RPRD2: variants seen among roughly 807,000 people sequenced by gnomAD.
The protein encoded by RPRD2 is regulation of nuclear pre-mRNA domain containing 2, also known as regulation of nuclear pre-mRNA domain-containing protein 2.
Under a neutral mutation model 104.4 loss-of-function variants are expected in RPRD2, and 12 were observed. The ratio of observed to expected loss-of-function variants is 0.11; its 90% CI spans 0.07 to 0.19. The LOEUF is 0.19. Among genes scored for constraint, RPRD2 ranks in the 10% least tolerant of loss-of-function variants. The probability of loss-of-function intolerance (pLI) is 1.00; values close to 1 mark genes in which losing one functional copy is unlikely to be tolerated. For synonymous variants in RPRD2, 714 were observed against 684.9 expected, an observed-to-expected ratio of 1.04 and a Z score of -0.66; for missense variants, 1,543 against 1,790.1, an observed-to-expected ratio of 0.86 and a Z score of 2.49.
At chr1:150,374,905 T>A (rs1330972192) in intron 1 of RPRD2, among the ~76,000 whole-genome samples, 1 of 152,180 alleles carries the variant, frequency 6.6e-6, no homozygotes, top group African/African-American at 2.4e-5. Context: ...TGCGTATTTT[T>A]ACTCTTGGTT....
rs782671473 is a variant in RPRD2, at chr1:150,364,598, CT to C, written c.-116del. 3.2e-6 allele frequency: 2 copies of C among 621,112 alleles called. No individual in the cohort carries two copies. The highest frequency in any genetic ancestry group is 2.7e-5 in the East Asian group (1 of 36,542). 38.5% of individuals were successfully genotyped at this position (621,112 alleles called of 1,614,324 possible). A position where few individuals can be genotyped will look rare whatever the true frequency, so the allele number is the denominator to read the frequency against. On this transcript the variant is annotated 5_prime_UTR_variant, in exon 1 of 11. Transcript: ENST00000369068. ...CCAGCGCGTGCACCATCCCCACCCC[CT>C]AGCTTCCCTCCCCACCTACGGCTTT...
In RPRD2 at chr1:150,470,626, A is replaced by G. The variant is rs754724215; in HGVS notation, c.1678A>G (p.Ser560Gly). 6.2e-7 allele frequency: 1 copy of G among 1,613,876 alleles called. No homozygotes were observed. Among genetic ancestry groups the G allele is most frequent in the South Asian group, 1.1e-5 (1 of 91,072 alleles). Reference sequence around the variant, plus strand: ...TCCAGCCAGTGAAGCTGCCTCACAGAGCACTTCAGCCTCCCCTGCCAACAC... The same window carrying G: ...TCCAGCCAGTGAAGCTGCCTCACAGGGCACTTCAGCCTCCCCTGCCAACAC... Reference protein sequence around the residue: ...PVPASEAASQSTSASPANTTV... With the variant: ...PVPASEAASQGTSASPANTTV... The change falls in exon 11 of 11, where the codon AGC (serine) becomes GGC (glycine). Residue 560 changes from serine to glycine, a missense_variant. Ser to Gly is a moderately conservative substitution (Grantham distance 56). Around this residue, in one of 4 missense-constraint regions of RPRD2, gnomAD observed 572 missense variants for 787.3 expected, o/e 0.73. Transcript: ENST00000369068.
rs782184703 is a variant in RPRD2 at position 150,364,589 on chromosome 1, C to T, written c.-126C>T. 11 of 611,220 alleles carry T rather than the reference C, an allele frequency of 1.8e-5. No homozygotes were observed. Among genetic ancestry groups the T allele is most frequent in the Non-Finnish European group, 3.1e-5 (11 of 349,366 alleles). The allele number at this position is 611,220 out of a possible 1,614,324, so 37.9% of individuals were successfully genotyped here. Reference sequence around the variant, plus strand: ...CAGAAGAGCCCAGCGCGTGCACCATCCCCACCCCCTAGCTTCCCTCCCCAC... The same window carrying T: ...CAGAAGAGCCCAGCGCGTGCACCATTCCCACCCCCTAGCTTCCCTCCCCAC... On this transcript the variant is annotated 5_prime_UTR_variant, in exon 1 of 11. Transcript: ENST00000369068.
rs750220477 is a variant in RPRD2, at chr1:150,471,925, G to A, written c.2977G>A (p.Val993Met). The change falls in exon 11 of 11, where the codon GTG (valine) becomes ATG (methionine). Residue 993 changes from valine to methionine, a missense_variant. Coordinates refer to ENST00000369068, the MANE Select transcript of RPRD2 (RefSeq NM_015203.5). The surrounding 1 kb of genome is among the most constrained non-coding windows in gnomAD (Gnocchi z 5.3). ...APTGHPPTSG[V>M]EKVLASTIST... ...CACGGGTCACCCACCCACGTCAGGC[G>A]TGGAGAAAGTCCTGGCCTCCACCAT... The A allele has an allele frequency of 3.2e-5, 52 of 1,613,730 alleles. No individual in the cohort carries two copies. Among genetic ancestry groups the A allele is most frequent in the East Asian group, 4.5e-5 (2 of 44,858 alleles).
At chr1:150,455,938 G>A (rs2102401397) in intron 7 of RPRD2, among the ~76,000 whole-genome samples, 2 of 152,206 alleles carry the variant, frequency 1.3e-5, no homozygotes, top group South Asian at 4.1e-4. Context: ...AGCCCCCTAA[G>A]TAGCTGGCAC....
Position 150,471,150 on chromosome 1 carries a change from C to T in RPRD2, c.2202C>T (p.Thr734=). 14 of 1,613,788 alleles carry T rather than the reference C, an allele frequency of 8.7e-6. No homozygotes were observed. The highest frequency in any genetic ancestry group is 1.2e-5 in the Non-Finnish European group (14 of 1,179,858). The change falls in exon 11 of 11, where the codon ACC becomes ACT. Residue 734 remains threonine, a synonymous_variant. Transcript: ENST00000369068. The surrounding 1 kb of genome is among the most constrained non-coding windows in gnomAD (Gnocchi z 5.3). ...PVRDERSGTP[T]QDEMMDKPTS... ...GGGATGAACGGAGTGGGACACCCAC[C>T]CAGGATGAGATGATGGACAAGCCCA... is the stretch of plus-strand genomic sequence containing the variant.
At chr1:150,366,261 C>T (rs782799216) in intron 1 of RPRD2, among the ~76,000 whole-genome samples, 3 of 152,248 alleles carry the variant, frequency 2.0e-5, no homozygotes, top group Non-Finnish European at 4.4e-5. Context: ...CCACTTCTGC[C>T]ATTGCTCCTG....
At chr1:150,440,871 G>A in intron 2 of RPRD2, 52 bp from the exon 3 acceptor site, 1 of 812,880 alleles carries the variant, frequency 1.2e-6, no homozygotes, top group Non-Finnish European at 2.0e-6. Flanking sequence ...TTTCTAGTTT[G>A]GAGTAGAAGT....
intron 1 of RPRD2, among the ~76,000 whole-genome samples, chr1:150,384,563 C>T (rs1553881459): frequency 6.6e-6 from 1 of 151,284 alleles, no homozygotes; most frequent in African/African-American, 2.4e-5. Context: ...CCTCCGCCTC[C>T]TGGGTTCAAG....
rs1661661325 is a variant in RPRD2, at chr1:150,387,566, C to CTTTTTTT, written c.205+22647_205+22648insTTTTTTT. On this transcript the variant is annotated intron_variant, in intron 1 of 10. Coordinates refer to ENST00000369068, the MANE Select transcript of RPRD2 (RefSeq NM_015203.5). ...TAAATCTTACAGAAGTTGCAACAGA[C>CTTTTTTT]CTTTTTTTTTTTTTTTTTTTTTTTT... 2.1e-4 allele frequency among the ~76,000 whole-genome samples: 15 copies of CTTTTTTT among 70,130 alleles called. 3 individuals carry two copies. The highest frequency in any genetic ancestry group is 5.7e-4 in the East Asian group (1 of 1,760). The allele number at this position is 70,130 out of a possible 152,430, so 46.0% of individuals were successfully genotyped here. A position where few individuals can be genotyped will look rare whatever the true frequency, so the allele number is the denominator to read the frequency against.
intron 2 of RPRD2, among the ~76,000 whole-genome samples, chr1:150,434,941 G>T (rs1042217168): frequency 3.3e-5 from 5 of 152,164 alleles, no homozygotes; most frequent in Non-Finnish European, 7.4e-5. Context: ...GGCATACTTT[G>T]TTTCATTGTG....
At chr1:150,433,814 A>T in intron 2 of RPRD2, among the ~76,000 whole-genome samples, 1 of 147,952 alleles carries the variant, frequency 6.8e-6, no homozygotes, top group African/African-American at 2.5e-5. Flanking sequence ...AATATGTATA[A>T]TATATGTAAT....
chr1:150,398,298 G>A lies in RPRD2; in HGVS notation c.206-19298G>A, dbSNP rs929527214. 7.2e-5 allele frequency among the ~76,000 whole-genome samples: 11 copies of A among 152,052 alleles called. No individual in the cohort carries two copies. The East Asian group carries it at 1.7e-3, about 24-fold the overall frequency. On this transcript the variant is annotated intron_variant, in intron 1 of 10. Transcript: ENST00000369068. ...TGCAAGCTCTGCCTCCCAGGTTCACGCCATTCTCCTGCCTCAGCCTCCCAA... is the reference window on the plus strand; with the variant it reads ...TGCAAGCTCTGCCTCCCAGGTTCACACCATTCTCCTGCCTCAGCCTCCCAA...
chr1:150,459,292 A>G (rs367910466), intron 8 of RPRD2, among the ~76,000 whole-genome samples: 1 of 152,234 alleles, frequency 6.6e-6, no homozygotes, highest in East Asian at 1.9e-4. Context: ...TTGTAGTTTC[A>G]AATTAGCTAG....
chr1:150,435,854 C>G (rs2102337913), intron 2 of RPRD2, among the ~76,000 whole-genome samples: 1 of 152,316 alleles, frequency 6.6e-6, no homozygotes, highest in South Asian at 2.1e-4. Context: ...TTGGAAGATG[C>G]CATGTAGGAC....
At chr1:150,381,656 C>G (rs1661140580) in intron 1 of RPRD2, among the ~76,000 whole-genome samples, 1 of 151,982 alleles carries the variant, frequency 6.6e-6, no homozygotes, top group Non-Finnish European at 1.5e-5. Context: ...AGGCGCCCAC[C>G]ACTGCGCCTG....
At chr1:150,373,996 G>A (rs1660523946) in intron 1 of RPRD2, among the ~76,000 whole-genome samples, 1 of 152,162 alleles carries the variant, frequency 6.6e-6, no homozygotes, top group Admixed American at 6.6e-5. Flanking sequence ...GGTCTTCAAG[G>A]TGATAAGTGT....
intron 2 of RPRD2, among the ~76,000 whole-genome samples, chr1:150,440,195 C>A (rs1666319408): frequency 6.6e-6 from 1 of 152,140 alleles, no homozygotes; most frequent in Non-Finnish European, 1.5e-5. Context: ...ATTTTCCCAC[C>A]TCGGCCTCCC....
intron 2 of RPRD2, among the ~76,000 whole-genome samples, chr1:150,424,528 C>T (rs940651828): frequency 2.0e-5 from 3 of 152,074 alleles, no homozygotes; most frequent in Admixed American, 1.3e-4. Flanking sequence ...CCTCATGATC[C>T]GCCTGCCTTG....
Sources: gnomAD v4.1 joint callset for allele counts (sites outside exome capture counted in the v4.1 genomes callset) on GRCh38, gnomAD v4.1.1 for gene constraint, gnomAD v4.1.1 regional missense constraint, Gnocchi (gnomAD v3.1) non-coding constraint, MANE v1.5 for transcripts, NCBI Gene and HGNC (gene_info 2026-07-23, HGNC 2026-07-21) for gene names.